TRPM8: variants seen among roughly 807,000 people sequenced by gnomAD.
TRPM8 encodes transient receptor potential cation channel subfamily M member 8.
A neutral mutation model predicts 133.7 loss-of-function variants in TRPM8; 110 were observed. The observed-to-expected ratio is 0.82, with a 90% CI of 0.70 to 0.96. TRPM8 has a LOEUF of 0.96. Among genes scored for constraint, TRPM8 ranks in the 40% least tolerant of loss-of-function variants. TRPM8 has a pLI of 0.00. For synonymous variants in TRPM8, 535 were observed against 532.3 expected (o/e 1.01, Z -0.07); for missense variants, 1,291 against 1,379.5 (o/e 0.94, Z 1.02).
Position 233,983,110 on chromosome 2 carries a change from G to C in TRPM8, c.2647G>C (p.Val883Leu), listed in dbSNP as rs571650551. ...TGCGGTGTGGATGGTGGCCTTTGGC[G>C]TGGCCAGGCAAGGGATCCTTAGGCA... ...LFAVWMVAFGVARQGILRQNE... is the reference protein window; with the variant it reads ...LFAVWMVAFGLARQGILRQNE... The change falls in exon 20 of 26, where the codon GTG becomes CTG. Residue 883 changes from valine (V) to leucine (L), a missense_variant. By Grantham distance (32) the Val-to-Leu change is conservative. Coordinates refer to ENST00000324695, the MANE Select transcript of TRPM8 (RefSeq NM_024080.5). 6 of 1,614,156 alleles carry C rather than the reference G, an allele frequency of 3.7e-6. No individual in the cohort carries two copies. The highest frequency in any genetic ancestry group is 2.2e-5 in the South Asian group (2 of 91,070).
Position 233,944,092 on chromosome 2 carries a change from G to C in TRPM8, c.699+1344G>C, listed in dbSNP as rs560562115. Reference sequence around the variant, plus strand: ...TTTCTAGCTGCATAGTCTGGAGCCAGTTCCCTTCTTCAAGCTTTTATAATA... The same window carrying C: ...TTTCTAGCTGCATAGTCTGGAGCCACTTCCCTTCTTCAAGCTTTTATAATA... On this transcript the variant is annotated intron_variant, in intron 6 of 25. Coordinates refer to ENST00000324695, the MANE Select transcript of TRPM8 (RefSeq NM_024080.5). 6.6e-5 allele frequency among the ~76,000 whole-genome samples: 10 copies of C among 152,212 alleles called. No homozygotes were observed. In the East Asian group the frequency reaches 1.9e-3, roughly 29 times the overall value.
chr2:233,977,548 G>C (rs988587140), intron 17 of TRPM8, among the ~76,000 whole-genome samples: 2 of 152,182 alleles, frequency 1.3e-5, no homozygotes, highest in Non-Finnish European at 2.9e-5. Flanking sequence ...GCTAGCAGCA[G>C]GGAGGGCCTT....
chr2:234,006,877 C>G lies in TRPM8; in HGVS notation c.3155C>G (p.Thr1052Ser). 1 of 1,613,744 alleles carries G rather than the reference C, an allele frequency of 6.2e-7. No homozygotes were observed. The highest frequency in any genetic ancestry group is 8.5e-7 in the Non-Finnish European group (1 of 1,179,714). ...VCCFKNEDNETLAWEGVMKEN... is the reference protein window; with the variant it reads ...VCCFKNEDNESLAWEGVMKEN... ...GGTTTCAAAAATGAAGACAATGAGA[C>G]TCTGGCATGGGAGGGTGTCATGAAG... The change falls in exon 23 of 26, where the codon ACT (threonine) becomes AGT (serine). Residue 1052 changes from threonine (T) to serine (S), a missense_variant. This residue lies in a region of TRPM8 where 328 missense variants were observed against 410.6 expected (regional missense o/e 0.80). Transcript: ENST00000324695.
At chr2:233,955,426 A>T in intron 11 of TRPM8, 176 bp downstream of exon 11, 1 of 548,254 alleles carries the variant, frequency 1.8e-6, no homozygotes, top group Non-Finnish European at 3.3e-6. Flanking sequence ...GAATCATAAC[A>T]TTGACTTAGT....
intron 13 of TRPM8, 143 bp from the exon 14 acceptor site, chr2:233,964,485 G>A: frequency 5.1e-6 from 3 of 588,590 alleles, no homozygotes; most frequent in Non-Finnish European, 4.8e-6. Context: ...CCGGGAGGTG[G>A]AGGTTGCAGT....
chr2:234,005,260 T>G (rs1212035003), intron 22 of TRPM8, among the ~76,000 whole-genome samples: 1 of 152,232 alleles, frequency 6.6e-6, no homozygotes, highest in Non-Finnish European at 1.5e-5. Flanking sequence ...CTCCACATTC[T>G]TGCCAACATG....
chr2:234,007,565 G>A (rs1483338560), intron 23 of TRPM8, among the ~76,000 whole-genome samples: 1 of 152,176 alleles, frequency 6.6e-6, no homozygotes, highest in African/African-American at 2.4e-5. Context: ...TATAGAGCGT[G>A]CTCTTATTGT....
At chr2:233,936,891 C>CTTTTTTTTTTTTT (rs5839499) in intron 3 of TRPM8, among the ~76,000 whole-genome samples, 1 of 101,328 alleles carries the variant, frequency 9.9e-6, no homozygotes, top group Non-Finnish European at 2.0e-5. Flanking sequence ...TCTTTCTTTC[C>CTTTTTTTTTTTTT]TTTTTTTTTT....
intron 18 of TRPM8, among the ~76,000 whole-genome samples, chr2:233,981,498 G>A (rs1219300758): frequency 6.6e-6 from 1 of 152,136 alleles, no homozygotes; most frequent in African/African-American, 2.4e-5. Context: ...GGTTCCTGCT[G>A]TAGTGTGTGA....
chr2:233,939,585 CACAGAAGTG>C (rs1690853007), intron 5 of TRPM8, among the ~76,000 whole-genome samples: 1 of 152,122 alleles, frequency 6.6e-6, no homozygotes, highest in South Asian at 2.1e-4. Context: ...TTGTGAGCAC[CACAGAAGTG>C]TCTGATTGAG....
chr2:233,953,283 C>G (rs934257859), intron 9 of TRPM8, among the ~76,000 whole-genome samples: 8 of 152,206 alleles, frequency 5.3e-5, no homozygotes, highest in Non-Finnish European at 1.2e-4. Flanking sequence ...CAGGGAAACC[C>G]ATCATTGCCT....
intron 11 of TRPM8, among the ~76,000 whole-genome samples, chr2:233,956,570 T>C (rs536370382): frequency 2.6e-5 from 4 of 152,354 alleles, no homozygotes; most frequent in African/African-American, 7.2e-5. Context: ...ATTTTATACA[T>C]GTATGTATAG....
chr2:233,996,921 G>A (rs1202906400), intron 22 of TRPM8, among the ~76,000 whole-genome samples: 1 of 152,188 alleles, frequency 6.6e-6, no homozygotes, highest in Non-Finnish European at 1.5e-5. Flanking sequence ...TAGGAGAATA[G>A]AAAATCTTAA....
chr2:233,975,662 C>T (rs1426826481), intron 17 of TRPM8, among the ~76,000 whole-genome samples: 1 of 152,216 alleles, frequency 6.6e-6, no homozygotes, highest in African/African-American at 2.4e-5. Context: ...GGGCGGATCA[C>T]CTGAGCTCAG....
chr2:233,921,905 T>G (rs1448984766), intron 1 of TRPM8, among the ~76,000 whole-genome samples: 7 of 152,150 alleles, frequency 4.6e-5, no homozygotes, highest in Non-Finnish European at 7.4e-5. Context: ...ACTCCTGACC[T>G]CAAGTGATCC....
intron 3 of TRPM8, among the ~76,000 whole-genome samples, chr2:233,930,986 T>G (rs768436224): frequency 1.1e-4 from 17 of 152,228 alleles, no homozygotes; most frequent in Admixed American, 5.2e-4. Flanking sequence ...AGGCTGTCAC[T>G]CTCTTCAGTA....
intron 15 of TRPM8, 29 bp downstream of exon 15, chr2:233,966,784 C>G (rs202023636): frequency 4.0e-6 from 6 of 1,492,458 alleles, no homozygotes; most frequent in Middle Eastern, 1.8e-4. Context: ...CCAGACCACA[C>G]GGCCAGAAAT....
In TRPM8 at chr2:233,947,557, C is replaced by T. The variant is rs767277202; in HGVS notation, c.942+402C>T. The T allele has an allele frequency of 7.7e-6, 10 of 1,293,542 alleles. No homozygotes were observed. In the East Asian group the frequency reaches 4.4e-4, roughly 57 times the overall value. The allele number at this position is 1,293,542 out of a possible 1,614,324, so 80.1% of individuals were successfully genotyped here. A position where few individuals can be genotyped will look rare whatever the true frequency, so the allele number is the denominator to read the frequency against. Reference sequence around the variant, plus strand: ...AGATGTTTCCAGACCACCTAAGGCCCATTTATATGCCACCTGGGGATGCAG... The same window carrying T: ...AGATGTTTCCAGACCACCTAAGGCCTATTTATATGCCACCTGGGGATGCAG... On this transcript the variant is annotated intron_variant, in intron 8 of 25. Coordinates refer to ENST00000324695, the MANE Select transcript of TRPM8 (RefSeq NM_024080.5).
intron 5 of TRPM8, 61 bp from the exon 6 acceptor site, chr2:233,942,515 G>A: frequency 3.8e-6 from 6 of 1,569,452 alleles, no homozygotes; most frequent in Non-Finnish European, 4.4e-6. Context: ...GGGTCTGTGA[G>A]CCCAGAATGG....
Sources: allele counts gnomAD v4.1 joint callset (sites outside exome capture counted in the v4.1 genomes callset), GRCh38; gene constraint gnomAD v4.1.1; regional missense constraint gnomAD v4.1.1; transcripts MANE v1.5; gene names NCBI Gene and HGNC (gene_info 2026-07-23, HGNC 2026-07-21).